COG4: variants seen among roughly 807,000 people sequenced by gnomAD.
COG4 encodes conserved oligomeric Golgi complex subunit 4.
In COG4, 65 loss-of-function variants were observed where a neutral mutation model predicts 95.1. The ratio of observed to expected loss-of-function variants is 0.68; its 90% CI spans 0.56 to 0.84. The LOEUF is 0.84. COG4 is among the 40% of genes least tolerant of loss of function. The probability of loss-of-function intolerance (pLI) is 0.00; values close to 1 mark genes in which losing one functional copy is unlikely to be tolerated. For missense variants in COG4, 1,045 were observed against 989.1 expected (o/e 1.06, Z -0.76); for synonymous variants, 421 against 374.8 (o/e 1.12, Z -1.42).
intron 8 of COG4, among the ~76,000 whole-genome samples, chr16:70,507,924 A>C (rs1004075790): frequency 6.6e-5 from 10 of 151,304 alleles, no homozygotes; most frequent in Non-Finnish European, 1.5e-4. Context: ...ATAATTTATT[A>C]TTTATTTATT....
Position 70,519,750 on chromosome 16 carries a change from T to A in COG4, c.172-19A>T. 1.3e-6 allele frequency: 2 copies of A among 1,574,508 alleles called. No homozygotes were observed. The highest frequency in any genetic ancestry group is 1.3e-5 in the African/African-American group (1 of 74,336). On this transcript the variant is annotated intron_variant, in intron 1 of 18. Transcript: ENST00000323786. The stretch of plus-strand genomic sequence containing the variant: ...CCACTTTCTGAAACACAGAGAAACA[T>A]CCTGTCAGCAGAATGATCAGAAGGA...
At chr16:70,513,744 T>C (rs1211980834) in intron 4 of COG4, among the ~76,000 whole-genome samples, 1 of 152,214 alleles carries the variant, frequency 6.6e-6, no homozygotes, top group East Asian at 1.9e-4. Context: ...ACTAGTAAGA[T>C]GTTTATTTCT....
intron 12 of COG4, among the ~76,000 whole-genome samples, chr16:70,495,698 T>G (rs749451686): frequency 3.3e-5 from 5 of 152,246 alleles, no homozygotes; most frequent in Non-Finnish European, 7.3e-5. Context: ...GTTGTTGCTT[T>G]GTACAAATCC....
chr16:70,492,361 A>T (rs1184836654), intron 12 of COG4, among the ~76,000 whole-genome samples: 1 of 152,182 alleles, frequency 6.6e-6, no homozygotes, highest in Non-Finnish European at 1.5e-5. Context: ...AATACCAATG[A>T]TAAAAGTAGC....
At chr16:70,486,525 GAAATGC>G (rs2049139324) in intron 13 of COG4, among the ~76,000 whole-genome samples, 1 of 152,202 alleles carries the variant, frequency 6.6e-6, no homozygotes, top group Non-Finnish European at 1.5e-5. Context: ...GAACATCTGT[GAAATGC>G]AAATCTAAGG....
intron 12 of COG4, among the ~76,000 whole-genome samples, chr16:70,491,227 T>C (rs2151745410): frequency 6.6e-6 from 1 of 151,986 alleles, no homozygotes; most frequent in South Asian, 2.1e-4. Flanking sequence ...GAAGGTAAAA[T>C]GATTTGGCCA....
At chr16:70,486,142 G>A (rs921823114) in intron 13 of COG4, among the ~76,000 whole-genome samples, 11 of 152,128 alleles carry the variant, frequency 7.2e-5, no homozygotes, top group Admixed American at 2.6e-4. Context: ...TGATCCGCCC[G>A]CCTTGGCCTC....
rs761885773 is a variant in COG4 at position 70,483,875 on chromosome 16, T to C, written c.1805A>G (p.Asn602Ser). Residue 602 changes from asparagine (N) to serine (S), a missense_variant, in exon 14 of 19, where the codon AAC becomes AGC. Transcript: ENST00000323786. Reference sequence around the variant, plus strand: ...TACCTGCAAGAGGTCTCGGAATTTGTTGGACACGGCGGCCAAGTCAGAAAG... The same window carrying C: ...TACCTGCAAGAGGTCTCGGAATTTGCTGGACACGGCGGCCAAGTCAGAAAG... ...SCLSDLAAVS[N>S]KFRDLLQEGL... is the part of the protein sequence containing the mutation. 1.1e-5 allele frequency: 17 copies of C among 1,613,440 alleles called. No homozygotes were observed. In the Admixed American group the frequency reaches 2.7e-4, roughly 25 times the overall value.
At chr16:70,489,463 C>T (rs1255822126) in intron 13 of COG4, among the ~76,000 whole-genome samples, 3 of 151,230 alleles carry the variant, frequency 2.0e-5, no homozygotes, top group African/African-American at 4.9e-5. Context: ...ATGATCCACC[C>T]GCCTCAGCCT....
chr16:70,515,603 G>C (rs1159761345), intron 3 of COG4, among the ~76,000 whole-genome samples: 1 of 152,116 alleles, frequency 6.6e-6, no homozygotes, highest in East Asian at 1.9e-4. Flanking sequence ...AGAATTGCTT[G>C]AACCCAGGAG....
intron 11 of COG4, 100 bp from the exon 12 acceptor site, chr16:70,496,531 T>C (rs1000953792): frequency 8.2e-7 from 1 of 1,223,484 alleles, no homozygotes. Flanking sequence ...CACAAGGTGC[T>C]CTTTTAGGGG....
chr16:70,486,099 G>T (rs147070701), intron 13 of COG4, among the ~76,000 whole-genome samples: 4,886 of 150,956 alleles, frequency 0.032, 289 homozygotes, highest in African/African-American at 0.11. Flanking sequence ...GTTTCACCGT[G>T]TTAGCCAGGA....
chr16:70,522,732 G>A (rs185264170), intron 1 of COG4, among the ~76,000 whole-genome samples: 2 of 152,234 alleles, frequency 1.3e-5, no homozygotes, highest in African/African-American at 4.8e-5. Context: ...AATTAAAGGA[G>A]GCAGGAAATA....
chr16:70,495,342 A>T (rs1220425256), intron 12 of COG4, among the ~76,000 whole-genome samples: 5 of 150,492 alleles, frequency 3.3e-5, no homozygotes, highest in Non-Finnish European at 7.4e-5. Flanking sequence ...GGTTGCAGTG[A>T]GCCAAGGTCA....
intron 8 of COG4, among the ~76,000 whole-genome samples, chr16:70,501,929 C>T (rs1003922270): frequency 4.6e-5 from 7 of 151,750 alleles, no homozygotes; most frequent in African/African-American, 1.7e-4. Flanking sequence ...GCCTTGGCCT[C>T]TTGAAGTGCT....
intron 8 of COG4, among the ~76,000 whole-genome samples, chr16:70,506,625 A>AAC: frequency 7.6e-6 from 1 of 132,300 alleles, no homozygotes; most frequent in East Asian, 2.0e-4. Context: ...AAACAAAAAA[A>AAC]AAAACATTTA....
In COG4 at chr16:70,481,764, C is replaced by T; in HGVS notation, c.2106G>A (p.Arg702=). The change falls in exon 17 of 19, where the codon CGG becomes CGA. Residue 702 remains arginine (R), a splice_region_variant and synonymous_variant. Transcript: ENST00000323786. ...CAGACCCATGACCCCTTTACCTTAC[C>T]CGGTTAAAGGTGGATTTCAGCACCA... The part of the protein sequence containing the change: ...EKVVLKSTFN[R]LGGLQFDKEL... 6.2e-7 allele frequency: 1 copy of T among 1,612,146 alleles called. No homozygotes were observed. Among genetic ancestry groups the T allele is most frequent in the Non-Finnish European group, 8.5e-7 (1 of 1,178,332 alleles).
intron 3 of COG4, among the ~76,000 whole-genome samples, chr16:70,517,210 T>C (rs1268490671): frequency 6.6e-6 from 1 of 152,034 alleles, no homozygotes; most frequent in Non-Finnish European, 1.5e-5. Context: ...CATAGACATT[T>C]TGATGTTGTA....
chr16:70,520,910 C>T (rs1036854758), intron 1 of COG4, among the ~76,000 whole-genome samples: 1 of 152,180 alleles, frequency 6.6e-6, no homozygotes, highest in Admixed American at 6.6e-5. Flanking sequence ...ACACAAAGTG[C>T]TTAACATGGT....
Sources: allele counts gnomAD v4.1 joint callset (sites outside exome capture counted in the v4.1 genomes callset), GRCh38; gene constraint gnomAD v4.1.1; transcripts MANE v1.5; gene names NCBI Gene and HGNC (gene_info 2026-07-23, HGNC 2026-07-21).